CAST: variants seen among roughly 807,000 people sequenced by gnomAD.
The protein encoded by CAST is MIR583 host.
Under a neutral mutation model 119.6 loss-of-function variants are expected in CAST, and 76 were observed. The ratio of observed to expected loss-of-function variants is 0.64; its 90% confidence interval spans 0.53 to 0.77. CAST has a LOEUF of 0.77. Ranked by LOEUF, CAST falls within the 30% of genes least tolerant of loss-of-function variation. The pLI is 0.00. For missense variants in CAST, 953 were observed against 946.5 expected (o/e 1.01, Z -0.09); for synonymous variants, 319 against 331.6 (o/e 0.96, Z 0.41).
the CAST span, among the ~76,000 whole-genome samples, chr5:96,047,296 G>A: frequency 1.3e-5 from 2 of 152,182 alleles, no homozygotes; most frequent in Non-Finnish European, 2.9e-5. Context: ...TTCATTGGTA[G>A]TAAGAGAGAT....
chr5:96,511,177 G>A, the CAST span, among the ~76,000 whole-genome samples: 8 of 152,066 alleles, frequency 5.3e-5, no homozygotes, highest in Non-Finnish European at 8.8e-5. Flanking sequence ...ACGGAATCTC[G>A]CTCTGTCACC....
At chr5:96,489,538 G>T in the CAST span, among the ~76,000 whole-genome samples, 45 of 152,254 alleles carry the variant, frequency 3.0e-4, no homozygotes, top group African/African-American at 1.1e-3. Flanking sequence ...ATCAGGAGAG[G>T]GTAGAGGACC....
chr5:95,963,715 TTC>T, the CAST span, among the ~76,000 whole-genome samples: 10 of 150,692 alleles, frequency 6.6e-5, no homozygotes, highest in East Asian at 9.7e-4. Context: ...AACTTTTCTT[TTC>T]TCTCTCTCTT....
chr5:96,266,072 A>G, the CAST span, among the ~76,000 whole-genome samples: 1 of 152,156 alleles, frequency 6.6e-6, no homozygotes, highest in Admixed American at 6.5e-5. Context: ...AGCTGGCTTC[A>G]CTTCTTCCCA....
the CAST span, among the ~76,000 whole-genome samples, chr5:96,012,842 G>C: frequency 6.6e-6 from 1 of 152,114 alleles, no homozygotes; most frequent in East Asian, 1.9e-4. Context: ...TTTTAGCATA[G>C]GACTTAAGAA....
chr5:96,730,901 T>C (rs1393130241), intron 9 of CAST, 41 bp downstream of exon 9: 2 of 1,417,134 alleles, frequency 1.4e-6, no homozygotes, highest in Non-Finnish European at 2.0e-6. Context: ...GCCTCTGTGC[T>C]TCTCAAGTTT....
chr5:96,463,344 T>C, the CAST span, among the ~76,000 whole-genome samples: 1 of 152,122 alleles, frequency 6.6e-6, no homozygotes, highest in East Asian at 1.9e-4. Context: ...TGAAATCAAA[T>C]CCTGTGTGTT....
intron 1 of CAST, among the ~76,000 whole-genome samples, chr5:96,583,196 A>G (rs558572109): frequency 6.6e-6 from 1 of 151,578 alleles, no homozygotes; most frequent in Admixed American, 6.6e-5. Flanking sequence ...TCAGAATTGG[A>G]TAATTTTCTT....
At chr5:96,482,305 T>G in the CAST span, among the ~76,000 whole-genome samples, 1 of 151,606 alleles carries the variant, frequency 6.6e-6, no homozygotes, top group Non-Finnish European at 1.5e-5. Flanking sequence ...TTAGTTGCCA[T>G]GAAACTGAAG....
chr5:96,295,333 T>C, the CAST span, among the ~76,000 whole-genome samples: 1 of 152,316 alleles, frequency 6.6e-6, no homozygotes, highest in African/African-American at 2.4e-5. Flanking sequence ...TCACACTATT[T>C]AGAGGGTGAT....
chr5:96,193,481 C>A, the CAST span, among the ~76,000 whole-genome samples: 2 of 152,114 alleles, frequency 1.3e-5, no homozygotes, highest in Non-Finnish European at 1.5e-5. Flanking sequence ...ATTTGAATGG[C>A]AGCATTGATG....
At chr5:96,628,874 C>T (rs2150201317) in intron 1 of CAST, among the ~76,000 whole-genome samples, 2 of 151,878 alleles carry the variant, frequency 1.3e-5, no homozygotes, top group South Asian at 4.2e-4. Flanking sequence ...GGCGGGGGGT[C>T]ATAAAGGCCC....
chr5:96,591,077 G>C (rs1176387412), intron 1 of CAST, among the ~76,000 whole-genome samples: 1 of 152,164 alleles, frequency 6.6e-6, no homozygotes, highest in Non-Finnish European at 1.5e-5. Context: ...GAAGCATAAA[G>C]TGCTCCTCTC....
intron 11 of CAST, 23 bp from the exon 12 acceptor site, chr5:96,740,015 C>T: frequency 1.7e-6 from 2 of 1,173,028 alleles, no homozygotes; most frequent in Middle Eastern, 2.1e-4. Flanking sequence ...TATAATATCC[C>T]TATGTGTATG....
the CAST span, among the ~76,000 whole-genome samples, chr5:96,058,358 C>G: frequency 2.0e-5 from 3 of 152,260 alleles, no homozygotes; most frequent in Non-Finnish European, 4.4e-5. Flanking sequence ...CCCAGTGTTA[C>G]AGCTGAATCT....
At chr5:96,616,751 TATACACACACAC>T (rs1305622829) in intron 1 of CAST, among the ~76,000 whole-genome samples, 23 of 118,434 alleles carry the variant, frequency 1.9e-4, no homozygotes, top group Non-Finnish European at 3.1e-4. Flanking sequence ...TCTCTATATA[TATACACACACAC>T]ACACACACAC....
chr5:96,502,123 CT>C, the CAST span, among the ~76,000 whole-genome samples: 1 of 152,160 alleles, frequency 6.6e-6, no homozygotes, highest in Non-Finnish European at 1.5e-5. Flanking sequence ...TAGTTCCACC[CT>C]GTAGATTTAA....
chr5:96,706,979 C>T (rs556118737), intron 3 of CAST, among the ~76,000 whole-genome samples: 2 of 152,336 alleles, frequency 1.3e-5, no homozygotes, highest in African/African-American at 4.8e-5. Context: ...CTGAGGGTTA[C>T]ATTTCTGCTG....
At chr5:96,500,866 A>G in the CAST span, among the ~76,000 whole-genome samples, 5 of 152,232 alleles carry the variant, frequency 3.3e-5, no homozygotes, top group Non-Finnish European at 5.9e-5. Context: ...TAGATGATGG[A>G]AAAGAGATAT....
Sources: allele counts gnomAD v4.1 joint callset (sites outside exome capture counted in the v4.1 genomes callset), GRCh38; gene constraint gnomAD v4.1.1; transcripts MANE v1.5; gene names NCBI Gene and HGNC (gene_info 2026-07-23, HGNC 2026-07-21).